The following AGTPBP1 variants were observed in gnomAD, a reference collection of about 807,000 sequenced individuals.
AGTPBP1 encodes the protein cytosolic carboxypeptidase 1.
Under a neutral mutation model 143.9 loss-of-function variants are expected in AGTPBP1, and 70 were observed. The ratio of observed to expected loss-of-function variants is 0.49; its 90% confidence interval spans 0.40 to 0.59. The LOEUF is 0.59. Ranked by LOEUF, AGTPBP1 falls within the 20% of genes least tolerant of loss-of-function variation. The pLI is 0.00. For synonymous variants in AGTPBP1, 463 were observed against 500.2 expected (o/e 0.93, Z 0.99); for missense variants, 1,229 against 1,464.5 (o/e 0.84, Z 2.62).
chr9:85,591,437 G>T (rs1173458556), intron 19 of AGTPBP1, among the ~76,000 whole-genome samples: 1 of 152,094 alleles, frequency 6.6e-6, no homozygotes, highest in Non-Finnish European at 1.5e-5. Context: ...GCCCAGGTGA[G>T]AAACGATGGT....
chr9:85,728,695 C>A (rs545506783), intron 1 of AGTPBP1, among the ~76,000 whole-genome samples: 8 of 150,188 alleles, frequency 5.3e-5, no homozygotes, highest in African/African-American at 2.0e-4. Flanking sequence ...TTAAAGCCTA[C>A]AAAAGATGAA....
In AGTPBP1 at chr9:85,741,631, GCGTTACACAACC is replaced by G. The variant is rs992073368; in HGVS notation, c.-34+132_-34+143del. ...CCCTCACGCGTCACATGTGTAACATGCGTTACACAACCCGTCAGGTAAGGGGCGCAGGGATCC... is the reference window on the plus strand; with the variant it reads ...CCCTCACGCGTCACATGTGTAACATGCGTCAGGTAAGGGGCGCAGGGATCC... On this transcript the variant is annotated intron_variant, in intron 1 of 25. Transcript: ENST00000357081. 14 of 1,243,394 alleles carry G rather than the reference GCGTTACACAACC, an allele frequency of 1.1e-5. No individual in the cohort carries two copies. The East Asian group carries it at 4.5e-4, about 40-fold the overall frequency. 77.0% of individuals were successfully genotyped at this position (1,243,394 alleles called of 1,614,324 possible).
intron 1 of AGTPBP1, among the ~76,000 whole-genome samples, chr9:85,725,318 T>A (rs557875318): frequency 4.0e-4 from 61 of 151,902 alleles, no homozygotes; most frequent in Admixed American, 1.4e-3. Flanking sequence ...AAAAAAAAAA[T>A]TTTTTTAACT....
chr9:85,589,747 T>C (rs1261966211), intron 19 of AGTPBP1, 66 bp from the exon 20 acceptor site: 2 of 1,414,950 alleles, frequency 1.4e-6, no homozygotes, highest in Non-Finnish European at 1.9e-6. Context: ...ACAGAAATAA[T>C]GCATCCAGAT....
chr9:85,585,534 T>C lies in AGTPBP1; in HGVS notation c.3094A>G (p.Ile1032Val), dbSNP rs1828550073. The C allele has an allele frequency of 1.2e-6, 2 of 1,611,518 alleles. No individual in the cohort carries two copies. The highest frequency in any genetic ancestry group is 1.7e-6 in the Non-Finnish European group (2 of 1,178,842). Residue 1032 changes from isoleucine to valine, a missense_variant, in exon 23 of 26, where the codon ATC (isoleucine) becomes GTC (valine). Ile to Val is a conservative substitution (Grantham distance 29). This residue lies in a region of AGTPBP1 where 486 missense variants were observed against 652.3 expected (regional missense o/e 0.75). Transcript: ENST00000357081. Reference protein sequence around the residue: ...KKNVFMYGCSIKETVWHTNDN... With the variant: ...KKNVFMYGCSVKETVWHTNDN... Reference sequence around the variant, plus strand: ...TTGGTATGCCACACTGTCTCTTTGATGCTGCAACCATACATAAATACATTC... The same window carrying C: ...TTGGTATGCCACACTGTCTCTTTGACGCTGCAACCATACATAAATACATTC...
At chr9:85,639,233 TCA>T (rs1240574566) in intron 13 of AGTPBP1, among the ~76,000 whole-genome samples, 2 of 152,132 alleles carry the variant, frequency 1.3e-5, no homozygotes, top group Non-Finnish European at 2.9e-5. Context: ...AAAATAAGTT[TCA>T]GAGTAAAGAT....
chr9:85,594,358 C>A (rs974857620), intron 18 of AGTPBP1, among the ~76,000 whole-genome samples: 1 of 152,134 alleles, frequency 6.6e-6, no homozygotes, highest in Non-Finnish European at 1.5e-5. Flanking sequence ...TTTGTTCATG[C>A]CTGTAATCCC....
intron 25 of AGTPBP1, among the ~76,000 whole-genome samples, chr9:85,574,162 T>C (rs1432416798): frequency 6.6e-6 from 1 of 152,164 alleles, no homozygotes; most frequent in African/African-American, 2.4e-5. Flanking sequence ...TGTTGATCTA[T>C]GACCTTACCC....
At chr9:85,648,287 T>C (rs1230563571) in intron 11 of AGTPBP1, among the ~76,000 whole-genome samples, 3 of 152,242 alleles carry the variant, frequency 2.0e-5, no homozygotes, top group Non-Finnish European at 2.9e-5. Context: ...CTTGAGGGAC[T>C]GTGCTACTGG....
At chr9:85,748,997 CT>C in the AGTPBP1 span, among the ~76,000 whole-genome samples, 1,545 of 95,416 alleles carry the variant, frequency 0.016, 6 homozygotes, top group African/African-American at 0.026. Context: ...ATCTAGTGCA[CT>C]TTTTTTTTTT....
At chr9:85,748,991 A>C in the AGTPBP1 span, among the ~76,000 whole-genome samples, 1 of 132,774 alleles carries the variant, frequency 7.5e-6, no homozygotes. Context: ...CTTCTTATCT[A>C]GTGCACTTTT....
chr9:85,676,970 A>G (rs62569226), intron 6 of AGTPBP1, among the ~76,000 whole-genome samples: 2,548 of 152,314 alleles, frequency 0.017, 26 homozygotes, highest in Middle Eastern at 0.054. Flanking sequence ...TTTCATATGC[A>G]GAAGCTAAAA....
Position 85,710,884 on chromosome 9 carries a change from C to T in AGTPBP1, c.32+1618G>A, listed in dbSNP as rs553203111. ...GTTTGACCTGATGCAAAAAGTAAGG[C>T]ATTTTTTAAAAAGATCCTTTTTAAA... On this transcript the variant is annotated intron_variant, in intron 2 of 25. Coordinates refer to ENST00000357081, the MANE Select transcript of AGTPBP1 (RefSeq NM_001330701.2). Among the ~76,000 whole-genome samples, 40 of 152,172 alleles carry T rather than the reference C, an allele frequency of 2.6e-4. No individual in the cohort carries two copies. In the South Asian group the frequency reaches 8.3e-3, roughly 32 times the overall value.
At chr9:85,549,658 G>A (rs549725729) in intron 25 of AGTPBP1, among the ~76,000 whole-genome samples, 1 of 152,192 alleles carries the variant, frequency 6.6e-6, no homozygotes. Flanking sequence ...GGATGCCCAG[G>A]ATAGAGCTAA....
intron 11 of AGTPBP1, among the ~76,000 whole-genome samples, chr9:85,647,485 C>T (rs1312916848): frequency 1.3e-5 from 2 of 151,984 alleles, no homozygotes; most frequent in African/African-American, 4.8e-5. Context: ...CTCCAAAATA[C>T]TATGGGAAAA....
intron 17 of AGTPBP1, among the ~76,000 whole-genome samples, chr9:85,600,410 C>G (rs920675169): frequency 6.6e-6 from 1 of 152,164 alleles, no homozygotes; most frequent in South Asian, 2.1e-4. Context: ...CTGGCACTTA[C>G]GTCCTCCACA....
intron 2 of AGTPBP1, among the ~76,000 whole-genome samples, chr9:85,711,846 C>T (rs1380840126): frequency 2.6e-5 from 4 of 152,142 alleles, no homozygotes; most frequent in Non-Finnish European, 5.9e-5. Flanking sequence ...AAAGTGGCCA[C>T]AGACAATATG....
the AGTPBP1 span, among the ~76,000 whole-genome samples, chr9:85,805,108 G>C: frequency 6.6e-6 from 1 of 152,176 alleles, no homozygotes; most frequent in East Asian, 1.9e-4. Flanking sequence ...TGAGGCGTTT[G>C]GACCCTGCCC....
intron 17 of AGTPBP1, among the ~76,000 whole-genome samples, chr9:85,607,607 A>C (rs1475044965): frequency 6.6e-6 from 1 of 152,158 alleles, no homozygotes; most frequent in African/African-American, 2.4e-5. Flanking sequence ...AATATAGATA[A>C]TCAAAATATT....
Sources: allele counts gnomAD v4.1 joint callset (sites outside exome capture counted in the v4.1 genomes callset), GRCh38; gene constraint gnomAD v4.1.1; regional missense constraint gnomAD v4.1.1; transcripts MANE v1.5; gene names NCBI Gene and HGNC (gene_info 2026-07-23, HGNC 2026-07-21).